Variants in MFGE8 observed in about 807,000 individuals in gnomAD.
The protein encoded by MFGE8 is milk fat globule EGF and factor V/VIII domain containing, also known as lactadherin.
In MFGE8, 34 loss-of-function variants were observed where a neutral mutation model predicts 42.6. That is an observed-to-expected ratio of 0.80 (90% CI 0.61 to 1.06). The LOEUF (loss-of-function observed/expected upper bound fraction) is 1.06. Among genes scored for constraint, MFGE8 ranks in the 50% least tolerant of loss-of-function variants. The probability of loss-of-function intolerance (pLI) is 0.00; values close to 1 mark genes in which losing one functional copy is unlikely to be tolerated. For missense variants in MFGE8, 510 were observed against 516.9 expected, an observed-to-expected ratio of 0.99 and a Z score of 0.13; for synonymous variants, 230 against 214.8, an observed-to-expected ratio of 1.07 and a Z score of -0.62.
chr15:88,901,785 G>A, intron 5 of MFGE8, 50 bp from the exon 6 acceptor site: 3 of 1,564,096 alleles, frequency 1.9e-6, no homozygotes, highest in Non-Finnish European at 2.6e-6. Flanking sequence ...CAGCTCCCAG[G>A]GGCAGGAGCA....
Position 88,905,893 on chromosome 15 carries a change from C to G in MFGE8, c.549G>C (p.Val183=). Residue 183 remains valine, a synonymous_variant, in exon 5 of 8, where the codon GTG becomes GTC. Coordinates refer to ENST00000268150, the MANE Select transcript of MFGE8 (RefSeq NM_005928.4). The surrounding 1 kb of genome is among the most constrained non-coding windows in gnomAD (Gnocchi z 6.6). ...GCACCGCGTTTTTGTTCCAGTTACC[C>G]ACAAACTCCTAGCAGGGAAGGGACA... The part of the protein sequence containing the change: ...HDVNKKHKEF[V]GNWNKNAVHV... 1.2e-6 allele frequency: 2 copies of G among 1,614,170 alleles called. No individual in the cohort carries two copies. The highest frequency in any genetic ancestry group is 1.7e-6 in the Non-Finnish European group (2 of 1,180,018).
rs1027874653 is a variant in MFGE8 at position 88,905,139 on chromosome 15, C to T, written c.685+618G>A. On this transcript the variant is annotated intron_variant, in intron 5 of 7. Coordinates refer to ENST00000268150, the MANE Select transcript of MFGE8 (RefSeq NM_005928.4). This position sits in a 1 kb window ranked among gnomAD's most constrained non-coding sequence, Gnocchi z 6.6. ...TGGAAAAGGCAGCAGGAAGCACCAG[C>T]TCCAAGCCCTGTGGTCCAAGAAGCC... Among the ~76,000 whole-genome samples the T allele has an allele frequency of 9.9e-5, 15 of 152,232 alleles. No homozygotes were observed. Among genetic ancestry groups the T allele is most frequent in the African/African-American group, 3.4e-4 (14 of 41,450 alleles).
chr15:88,909,897 T>C lies in MFGE8; in HGVS notation c.100A>G (p.Asn34Asp), dbSNP rs764118626. 13 of 1,614,066 alleles carry C rather than the reference T, an allele frequency of 8.1e-6. No homozygotes were observed. In the South Asian group the frequency reaches 1.2e-4, roughly 15 times the overall value. ...GAAATCTCCTCGCATAAACCACCGTTGTGGCAGGGGTTTTTGGAACAGATA... is the reference window on the plus strand; with the variant it reads ...GAAATCTCCTCGCATAAACCACCGTCGTGGCAGGGGTTTTTGGAACAGATA... ...LDICSKNPCH[N>D]GGLCEEISQE... Residue 34 changes from asparagine (N) to aspartate (D), a missense_variant, in exon 2 of 8, where the codon AAC becomes GAC. Coordinates refer to ENST00000268150, the MANE Select transcript of MFGE8 (RefSeq NM_005928.4).
chr15:88,899,222 C>T lies in MFGE8; in HGVS notation c.*173G>A, dbSNP rs569530824. 2,409 of 860,722 alleles carry T rather than the reference C, an allele frequency of 2.8e-3. 8 individuals are homozygous for T. Among genetic ancestry groups the T allele is most frequent in the Non-Finnish European group, 3.8e-3 (2,111 of 552,384 alleles). 53.3% of individuals were successfully genotyped at this position (860,722 alleles called of 1,614,324 possible). A position where few individuals can be genotyped will look rare whatever the true frequency, so the allele number is the denominator to read the frequency against. On this transcript the variant is annotated 3_prime_UTR_variant, in exon 8 of 8. Coordinates refer to ENST00000268150, the MANE Select transcript of MFGE8 (RefSeq NM_005928.4). The surrounding 1 kb of genome is among the most constrained non-coding windows in gnomAD (Gnocchi z 6.8). The stretch of plus-strand genomic sequence containing the variant: ...GGGGCTTAGGGGCTGGGGCAGGGCC[C>T]GTGAGAGGTGGAGGGTGGGAAAGAG...
intron 6 of MFGE8, among the ~76,000 whole-genome samples, chr15:88,901,327 A>T (rs1898416634): frequency 6.6e-6 from 1 of 152,052 alleles, no homozygotes; most frequent in Admixed American, 6.6e-5. Context: ...ATTCACACAC[A>T]CACACACATA....
In MFGE8 at chr15:88,899,847, A is replaced by G. The variant is rs1453523661; in HGVS notation, c.871-36T>C. 1 of 1,613,286 alleles carries G rather than the reference A, an allele frequency of 6.2e-7. No homozygotes were observed. Among genetic ancestry groups the G allele is most frequent in the Admixed American group, 1.7e-5 (1 of 59,952 alleles). ...AACCAACCACATTTTCTCTGCTTGG[A>G]CCATCTCCAGTAAGGTGAAAAGAGG... On this transcript the variant is annotated intron_variant, in intron 6 of 7. Transcript: ENST00000268150. This position sits in a 1 kb window ranked among gnomAD's most constrained non-coding sequence, Gnocchi z 6.8.
chr15:88,912,518 G>T, intron 1 of MFGE8: 1 of 985,416 alleles, frequency 1.0e-6, no homozygotes, highest in Middle Eastern at 5.2e-4. Context: ...GCTCCACGGT[G>T]AATGGCACGG....
intron 6 of MFGE8, among the ~76,000 whole-genome samples, chr15:88,900,485 T>C (rs1207914098): frequency 6.6e-6 from 1 of 152,168 alleles, no homozygotes; most frequent in East Asian, 1.9e-4. Context: ...AGTCTGACAC[T>C]GGTCCTGAGG....
intron 2 of MFGE8, 82 bp downstream of exon 2, chr15:88,909,710 G>A (rs1463459116): frequency 1.3e-5 from 21 of 1,602,690 alleles, no homozygotes; most frequent in Non-Finnish European, 1.8e-5. Context: ...AGAGAATAAG[G>A]CCAGCATATG....
In MFGE8 at chr15:88,905,885, C is replaced by T; in HGVS notation, c.557G>A (p.Trp186Ter). Residue 186 changes from tryptophan to a stop codon, truncating the protein, a stop_gained, in exon 5 of 8, where the codon TGG becomes TAG. Transcript: ENST00000268150. LOFTEE classifies it high-confidence loss of function. This position sits in a 1 kb window ranked among gnomAD's most constrained non-coding sequence, Gnocchi z 6.6. ...NKKHKEFVGNWNKNAVHVNLF... is the reference protein window; with the variant it reads ...NKKHKEFVGN ...GTTGACATGCACCGCGTTTTTGTTC[C>T]AGTTACCCACAAACTCCTAGCAGGG... 3 of 1,614,192 alleles carry T rather than the reference C, an allele frequency of 1.9e-6. No individual in the cohort carries two copies. Among genetic ancestry groups the T allele is most frequent in the South Asian group, 1.1e-5 (1 of 91,082 alleles).
In MFGE8 at chr15:88,905,678, C is replaced by T; in HGVS notation, c.685+79G>A. On this transcript the variant is annotated intron_variant, in intron 5 of 7. Transcript: ENST00000268150. The surrounding 1 kb of genome is among the most constrained non-coding windows in gnomAD (Gnocchi z 6.6). The stretch of plus-strand genomic sequence containing the variant: ...TGCTGCCCTACCTAGCTCAGTTTGG[C>T]TGAGAAAAGAGGCAGCAGGGAGGGC... The T allele has an allele frequency of 1.3e-6, 2 of 1,597,670 alleles. No individual in the cohort carries two copies. Among genetic ancestry groups the T allele is most frequent in the African/African-American group, 1.3e-5 (1 of 74,730 alleles).
At position 88,906,537 on chromosome 15, in the gene MFGE8, T is replaced by A; in HGVS notation, c.540+89A>T. The A allele has an allele frequency of 6.7e-7, 1 of 1,493,318 alleles. No homozygotes were observed. The highest frequency in any genetic ancestry group is 9.3e-7 in the Non-Finnish European group (1 of 1,071,438). The allele number at this position is 1,493,318 out of a possible 1,614,324, so 92.5% of individuals were successfully genotyped here. ...CACATCATAGCCAATCACCTAGGGT[T>A]CTCTGGACTCGCTGGGGGTCCTCAG... On this transcript the variant is annotated intron_variant, in intron 4 of 7. Transcript: ENST00000268150. This position sits in a 1 kb window ranked among gnomAD's most constrained non-coding sequence, Gnocchi z 4.2.
chr15:88,905,960 G>A lies in MFGE8; in HGVS notation c.541-59C>T. The A allele has an allele frequency of 6.2e-7, 1 of 1,601,996 alleles. No individual in the cohort carries two copies. The highest frequency in any genetic ancestry group is 8.5e-7 in the Non-Finnish European group (1 of 1,169,592). ...TCCATCTGAGCAGTCCCCCTCCCTG[G>A]GGTTACCTCATCTTCCTCTTCAGAC... On this transcript the variant is annotated intron_variant, in intron 4 of 7. Transcript: ENST00000268150. This position sits in a 1 kb window ranked among gnomAD's most constrained non-coding sequence, Gnocchi z 6.6.
rs972081619 is a variant in MFGE8, at chr15:88,906,354, A to C, written c.540+272T>G. On this transcript the variant is annotated intron_variant, in intron 4 of 7. Coordinates refer to ENST00000268150, the MANE Select transcript of MFGE8 (RefSeq NM_005928.4). This position sits in a 1 kb window ranked among gnomAD's most constrained non-coding sequence, Gnocchi z 4.2. ...ATGTACCCATGAAGGCTCAGAATGA[A>C]ACCCAGCTCCACCACCACTATCACC... The C allele has an allele frequency of 3.1e-4, 155 of 500,286 alleles. 1 individual carries two copies. Among genetic ancestry groups the C allele is most frequent in the Non-Finnish European group, 1.2e-4 (32 of 273,714 alleles). The allele number at this position is 500,286 out of a possible 1,614,324, so 31.0% of individuals were successfully genotyped here. A position where few individuals can be genotyped will look rare whatever the true frequency, so the allele number is the denominator to read the frequency against.
At chr15:88,907,712 C>CCA (rs1555414379) in intron 2 of MFGE8, among the ~76,000 whole-genome samples, 4 of 151,034 alleles carry the variant, frequency 2.6e-5, no homozygotes, top group Non-Finnish European at 4.4e-5. Flanking sequence ...AGAGTCCCCC[C>CCA]CGCCAGGCTG....
chr15:88,901,526 C>CCCCCA, intron 6 of MFGE8, 25 bp downstream of exon 6: 1 of 1,476,864 alleles, frequency 6.8e-7, no homozygotes, highest in Non-Finnish European at 9.4e-7. Flanking sequence ...AACCCCAGCC[C>CCCCCA]CATATCCCAA....
Position 88,913,334 on chromosome 15 carries a change from G to A in MFGE8, c.-15C>T. ...GGGCGCGGCATGCTGCGGGGACGCGGGCGCTGGAATGGGCACGCTGGGCTG... is the reference window on the plus strand; with the variant it reads ...GGGCGCGGCATGCTGCGGGGACGCGAGCGCTGGAATGGGCACGCTGGGCTG... On this transcript the variant is annotated 5_prime_UTR_variant, in exon 1 of 8. Coordinates refer to ENST00000268150, the MANE Select transcript of MFGE8 (RefSeq NM_005928.4). 1 of 1,430,102 alleles carries A rather than the reference G, an allele frequency of 7.0e-7. No homozygotes were observed. Among genetic ancestry groups the A allele is most frequent in the Non-Finnish European group, 9.1e-7 (1 of 1,103,262 alleles). 88.6% of individuals were successfully genotyped at this position (1,430,102 alleles called of 1,614,324 possible). A position where few individuals can be genotyped will look rare whatever the true frequency, so the allele number is the denominator to read the frequency against.
intron 3 of MFGE8, 44 bp downstream of exon 3, chr15:88,907,151 G>C (rs1339017686): frequency 6.3e-7 from 1 of 1,584,846 alleles, no homozygotes; most frequent in Non-Finnish European, 8.6e-7. Context: ...CATTCATCGA[G>C]CCTTCTCTCC....
chr15:88,910,061 G>A lies in MFGE8; in HGVS notation c.74-138C>T, dbSNP rs58662173. 5.4e-3 allele frequency: 6,142 copies of A among 1,133,524 alleles called. 250 individuals are homozygous for A. In the African/African-American group the frequency reaches 0.081, roughly 15 times the overall value. 70.2% of individuals were successfully genotyped at this position (1,133,524 alleles called of 1,614,324 possible). ...TATCTCTTCCTCTCCCTCTTCCCCC[G>A]TGTGCTGGATGGAGCCTGAGTCCGC... On this transcript the variant is annotated intron_variant, in intron 1 of 7. Transcript: ENST00000268150.
Sources: allele counts gnomAD v4.1 joint callset (sites outside exome capture counted in the v4.1 genomes callset), GRCh38; gene constraint gnomAD v4.1.1; non-coding constraint Gnocchi (gnomAD v3.1); transcripts MANE v1.5; gene names NCBI Gene and HGNC (gene_info 2026-07-23, HGNC 2026-07-21).